Variants in LARP4B observed in about 807,000 individuals in gnomAD.
LARP4B encodes la-related protein 4B.
A neutral mutation model predicts 89.8 loss-of-function variants in LARP4B; 12 were observed. The ratio of observed to expected loss-of-function variants is 0.13; its 90% CI spans 0.09 to 0.22. The LOEUF is 0.22. Ranked by LOEUF, LARP4B falls within the 10% of genes least tolerant of loss-of-function variation. The pLI, the probability that LARP4B is intolerant of heterozygous loss-of-function variation, is 1.00. For synonymous variants in LARP4B, 367 were observed against 363.3 expected (o/e 1.01, Z -0.12); for missense variants, 757 against 947.7 (o/e 0.80, Z 2.64).
At chr10:932,741 C>T (rs975241279), upstream of LARP4B, among the ~76,000 whole-genome samples, 1 of 140,018 alleles carries the variant, frequency 7.1e-6, no homozygotes, top group Admixed American at 7.1e-5. Flanking sequence ...CCGCCCCACA[C>T]CTGAGACGAA....
intron 7 of LARP4B, among the ~76,000 whole-genome samples, chr10:840,951 AG>A (rs1833492341): frequency 6.6e-6 from 1 of 152,194 alleles, no homozygotes; most frequent in Admixed American, 6.5e-5. Context: ...CAGAAGTTTG[AG>A]ACCAGCCCTG....
At chr10:808,736 TGTGTGC>T (rs1564370627), downstream of LARP4B, 4 of 144,400 alleles carry the variant, frequency 2.8e-5, no homozygotes, top group South Asian at 7.1e-4. Context: ...TGTGTGTGTG[TGTGTGC>T]GTGTGCACGC....
At chr10:830,213 T>C (rs992265349) in intron 9 of LARP4B, among the ~76,000 whole-genome samples, 7 of 152,298 alleles carry the variant, frequency 4.6e-5, no homozygotes, top group African/African-American at 1.7e-4. Context: ...GTGAAGGCCC[T>C]GCACCTGATT....
chr10:976,532 G>A, the LARP4B span, among the ~76,000 whole-genome samples: 137 of 146,126 alleles, frequency 9.4e-4, 1 homozygote, highest in Non-Finnish European at 3.1e-4. Context: ...TGTGCGGCCC[G>A]GCCTAGTAGA....
chr10:957,071 G>C, the LARP4B span, among the ~76,000 whole-genome samples: 6 of 152,158 alleles, frequency 3.9e-5, no homozygotes, highest in African/African-American at 7.2e-5. Context: ...CAGCAGCCCT[G>C]CTCACTGTTC....
the LARP4B span, among the ~76,000 whole-genome samples, chr10:966,649 C>A: frequency 4.6e-5 from 7 of 152,322 alleles, no homozygotes; most frequent in East Asian, 1.4e-3. Context: ...CCATGGGTGT[C>A]GGGCGAAGGC....
chr10:827,870 T>C (rs918723512), intron 11 of LARP4B, among the ~76,000 whole-genome samples: 9 of 152,188 alleles, frequency 5.9e-5, no homozygotes, highest in Admixed American at 3.9e-4. Context: ...GGGTACACTT[T>C]TATAGAATGT....
chr10:817,664 T>C, intron 15 of LARP4B, 61 bp downstream of exon 15: 1 of 1,517,000 alleles, frequency 6.6e-7, no homozygotes, highest in Non-Finnish European at 9.1e-7. Context: ...GCAAAGCGCC[T>C]GACACGGAAC....
chr10:921,308 A>G (rs1836971543), intron 1 of LARP4B, among the ~76,000 whole-genome samples: 1 of 152,022 alleles, frequency 6.6e-6, no homozygotes, highest in Non-Finnish European at 1.5e-5. Flanking sequence ...AGAAAACTGG[A>G]AGTTAATGAT....
chr10:974,050 C>T, the LARP4B span, among the ~76,000 whole-genome samples: 1 of 152,178 alleles, frequency 6.6e-6, no homozygotes, highest in Admixed American at 6.5e-5. Context: ...ATCAACAGCT[C>T]CCTGTGTCCC....
the LARP4B span, among the ~76,000 whole-genome samples, chr10:947,290 G>C: frequency 6.6e-6 from 1 of 152,068 alleles, no homozygotes; most frequent in African/African-American, 2.4e-5. Flanking sequence ...ACAGAGTTCT[G>C]TTCTGCTTCT....
the LARP4B span, among the ~76,000 whole-genome samples, chr10:951,929 T>G: frequency 7.7e-5 from 11 of 142,792 alleles, no homozygotes; most frequent in East Asian, 6.4e-4. Context: ...CTGCATAACA[T>G]ACAACCTTTA....
At chr10:916,266 T>C (rs537502857) in intron 1 of LARP4B, among the ~76,000 whole-genome samples, 2 of 152,366 alleles carry the variant, frequency 1.3e-5, no homozygotes, top group South Asian at 4.1e-4. Context: ...TAACTGTAGC[T>C]ACTCTAAGTC....
At chr10:955,266 C>T in the LARP4B span, among the ~76,000 whole-genome samples, 1 of 152,226 alleles carries the variant, frequency 6.6e-6, no homozygotes, top group East Asian at 1.9e-4. The surrounding 1 kb of genome is among the most constrained non-coding windows in gnomAD (Gnocchi z 5.2). Context: ...CCACCCCTGC[C>T]TCACTTCAGT....
In LARP4B at chr10:914,912, G is replaced by GA. The variant is rs1004375023; in HGVS notation, c.-40+16515dup. On this transcript the variant is annotated intron_variant, in intron 1 of 17. Coordinates refer to ENST00000316157, the MANE Select transcript of LARP4B (RefSeq NM_015155.3). Reference sequence around the variant, plus strand: ...ACCATTTGTGGAAGATTAATCTTGTGAAAAAAAAATTGTGTGTAATCAAGC... The same window carrying GA: ...ACCATTTGTGGAAGATTAATCTTGTGAAAAAAAAAATTGTGTGTAATCAAGC... Among the ~76,000 whole-genome samples, 312 of 149,450 alleles carry GA rather than the reference G, an allele frequency of 2.1e-3. 2 individuals are homozygous for GA. The highest frequency in any genetic ancestry group is 0.01 in the Middle Eastern group (3 of 288).
intron 1 of LARP4B, among the ~76,000 whole-genome samples, chr10:927,079 T>C (rs1379692881): frequency 5.3e-5 from 8 of 152,052 alleles, no homozygotes; most frequent in Admixed American, 3.9e-4. Flanking sequence ...TGAAATACTT[T>C]CAATATTGCA....
upstream of LARP4B, among the ~76,000 whole-genome samples, chr10:934,598 G>T (rs1006180691): frequency 1.4e-4 from 21 of 152,054 alleles, no homozygotes; most frequent in Non-Finnish European, 2.8e-4. Flanking sequence ...GTTCCCTCAT[G>T]ATCTTCTTTT....
chr10:925,845 C>T (rs116333339), intron 1 of LARP4B, among the ~76,000 whole-genome samples: 1,804 of 152,180 alleles, frequency 0.012, 30 homozygotes, highest in African/African-American at 0.041. Flanking sequence ...AAAGAGGGCA[C>T]GTTTTTAAAG....
the LARP4B span, among the ~76,000 whole-genome samples, chr10:958,831 C>G: frequency 6.6e-6 from 1 of 152,248 alleles, no homozygotes. Context: ...CTGCCCACAT[C>G]ACCCACTATG....
Sources: allele counts gnomAD v4.1 joint callset (sites outside exome capture counted in the v4.1 genomes callset), GRCh38; gene constraint gnomAD v4.1.1; non-coding constraint Gnocchi (gnomAD v3.1); transcripts MANE v1.5; gene names NCBI Gene and HGNC (gene_info 2026-07-23, HGNC 2026-07-21).